RNF19A: variants seen among roughly 807,000 people sequenced by gnomAD.
RNF19A encodes the protein E3 ubiquitin-protein ligase RNF19A.
RNF19A carries 32 observed loss-of-function variants against 75.7 expected under a neutral mutation model. The ratio of observed to expected loss-of-function variants is 0.42; its 90% CI spans 0.32 to 0.57. The LOEUF is 0.57. Ranked by LOEUF, RNF19A falls within the 20% of genes least tolerant of loss-of-function variation. The pLI is 0.10. For missense variants in RNF19A, 782 were observed against 1,036.3 expected (o/e 0.75, Z 3.37); for synonymous variants, 335 against 345.2 (o/e 0.97, Z 0.33).
intron 1 of RNF19A, among the ~76,000 whole-genome samples, chr8:100,321,117 A>G (rs1788179): frequency 0.32 from 49,164 of 152,072 alleles, 8,618 homozygotes; most frequent in East Asian, 0.42. Context: ...TTAAAATAAG[A>G]TAACAATGAA....
Position 100,260,303 on chromosome 8 carries a change from T to C in RNF19A, c.1683-306A>G, listed in dbSNP as rs912800823. 1.3e-5 allele frequency among the ~76,000 whole-genome samples: 2 copies of C among 152,206 alleles called. No individual in the cohort carries two copies. The highest frequency in any genetic ancestry group is 2.9e-5 in the Non-Finnish European group (2 of 68,028). Reference sequence around the variant, plus strand: ...TCACTCAGCATATGGCACTTTGTAATGTTTCAATGCAAAACACAAAGTTAG... The same window carrying C: ...TCACTCAGCATATGGCACTTTGTAACGTTTCAATGCAAAACACAAAGTTAG... On this transcript the variant is annotated intron_variant, in intron 8 of 9. Transcript: ENST00000341084. This position sits in a 1 kb window ranked among gnomAD's most constrained non-coding sequence, Gnocchi z 4.1.
chr8:100,286,842 T>G (rs1462520440), intron 2 of RNF19A, among the ~76,000 whole-genome samples: 3 of 152,210 alleles, frequency 2.0e-5, no homozygotes, highest in African/African-American at 7.2e-5. Flanking sequence ...TTCTGACAAC[T>G]GTACACAATA....
At chr8:100,279,687 C>T (rs920396922) in intron 2 of RNF19A, among the ~76,000 whole-genome samples, 2 of 152,188 alleles carry the variant, frequency 1.3e-5, no homozygotes, top group Non-Finnish European at 2.9e-5. Context: ...CCATGCTTGG[C>T]TAATTTTTTT....
At chr8:100,301,715 G>C (rs1455408634) in intron 1 of RNF19A, among the ~76,000 whole-genome samples, 1 of 152,084 alleles carries the variant, frequency 6.6e-6, no homozygotes, top group Non-Finnish European at 1.5e-5. Context: ...GTTACTCCAT[G>C]CTCTTATATA....
intron 1 of RNF19A, among the ~76,000 whole-genome samples, chr8:100,300,844 A>G (rs1821790879): frequency 6.6e-6 from 1 of 152,196 alleles, no homozygotes. Context: ...CTTTTAAGTA[A>G]GTCAAGAAGA....
At chr8:100,280,626 A>G (rs1788199) in intron 2 of RNF19A, among the ~76,000 whole-genome samples, 49,333 of 152,162 alleles carry the variant, frequency 0.32, 8,645 homozygotes, top group East Asian at 0.41. Flanking sequence ...TCATAAATGT[A>G]TAATCTGACA....
At chr8:100,328,659 A>G (rs952735856) in intron 1 of RNF19A, among the ~76,000 whole-genome samples, 17 of 151,960 alleles carry the variant, frequency 1.1e-4, no homozygotes, top group African/African-American at 4.1e-4. Context: ...TTCAGTAGAG[A>G]CGGGGTTTCA....
At position 100,298,206 on chromosome 8, in the gene RNF19A, A is replaced by AAAAAAC. The variant is rs1401965374; in HGVS notation, c.-93-9940_-93-9939insGTTTTT. 3.3e-5 allele frequency among the ~76,000 whole-genome samples: 5 copies of AAAAAAC among 151,982 alleles called. 1 individual carries two copies. Among genetic ancestry groups the AAAAAAC allele is most frequent in the African/African-American group, 1.2e-4 (5 of 41,348 alleles). ...TTTACCATGTATTGGGTTAAAAAAA[A>AAAAAAC]AAAAAACACTTATTACACATTAGGT... On this transcript the variant is annotated intron_variant, in intron 1 of 9. Transcript: ENST00000341084.
At position 100,274,633 on chromosome 8, in the gene RNF19A, C is replaced by T. The variant is rs1222370296; in HGVS notation, c.883+320G>A. On this transcript the variant is annotated intron_variant, in intron 3 of 9. Transcript: ENST00000341084. ...CTCCTGGCCTTAAGTGGTCGGCCCG[C>T]CTCAGCCTCCCAAAGTACTGGGATT... is the stretch of plus-strand genomic sequence containing the variant. 2.0e-5 allele frequency among the ~76,000 whole-genome samples: 3 copies of T among 152,286 alleles called. No homozygotes were observed. In the East Asian group the frequency reaches 5.8e-4, roughly 29 times the overall value.
upstream of RNF19A, chr8:100,310,133 C>A: frequency 2.0e-6 from 2 of 985,576 alleles, no homozygotes; most frequent in Non-Finnish European, 2.4e-6. Flanking sequence ...CTTTCCCCTC[C>A]TCCTCCTCCC....
chr8:100,328,812 A>T (rs1478966711), intron 1 of RNF19A, among the ~76,000 whole-genome samples: 1 of 152,168 alleles, frequency 6.6e-6, no homozygotes, highest in East Asian at 1.9e-4. Context: ...CAAATCTTAG[A>T]TCAGGGAGAT....
intron 1 of RNF19A, chr8:100,309,190 C>A: frequency 2.3e-6 from 1 of 437,312 alleles, no homozygotes; most frequent in Non-Finnish European, 3.0e-6. Flanking sequence ...CACGGGGAGA[C>A]AATCCCGGAA....
In RNF19A at chr8:100,257,825, T is replaced by C; in HGVS notation, c.*731A>G. ...ATTTTTTGTAATACTTATAACCTAA[T>C]GGGACTTTATTTTGTAGTTTTATGT... On this transcript the variant is annotated 3_prime_UTR_variant, in exon 10 of 10. Coordinates refer to ENST00000341084, the MANE Select transcript of RNF19A (RefSeq NM_183419.4). 1 of 391,456 alleles carries C rather than the reference T, an allele frequency of 2.6e-6. No homozygotes were observed. Among genetic ancestry groups the C allele is most frequent in the Non-Finnish European group, 4.5e-6 (1 of 221,732 alleles). 24.2% of individuals were successfully genotyped at this position (391,456 alleles called of 1,614,324 possible).
At chr8:100,268,761 A>C in intron 5 of RNF19A, 24 bp downstream of exon 5, 1 of 1,470,542 alleles carries the variant, frequency 6.8e-7, no homozygotes, top group South Asian at 1.4e-5. Flanking sequence ...AAGATAATGG[A>C]CTAACAAGAA....
intron 1 of RNF19A, among the ~76,000 whole-genome samples, chr8:100,328,749 C>T (rs1047120909): frequency 2.6e-5 from 4 of 152,182 alleles, no homozygotes; most frequent in Admixed American, 1.3e-4. Flanking sequence ...GCATTACAGG[C>T]GTGAGACACC....
chr8:100,336,141 C>G lies in RNF19A; in HGVS notation c.-276G>C, dbSNP rs540895056. 2.0e-5 allele frequency: 3 copies of G among 152,476 alleles called. No homozygotes were observed. The South Asian group carries it at 6.2e-4, about 32-fold the overall frequency. 9.4% of individuals were successfully genotyped at this position (152,476 alleles called of 1,614,324 possible). On this transcript the variant is annotated 5_prime_UTR_variant, in exon 1 of 4. Coordinates refer to the RNF19A transcript ENST00000519527. ...GAAGCTGTGGGGTAGCGAAGAAATG[C>G]AGGGCATGGGTCCCACACTCAAATG...
In RNF19A at chr8:100,259,333, T is replaced by A; in HGVS notation, c.1827-87A>T. ...GGGGAAGGGTTTCTATGTGGAAAAT[T>A]CAGACTATATATAAGCTATGAGAAC... On this transcript the variant is annotated intron_variant, in intron 9 of 9. Transcript: ENST00000341084. The surrounding 1 kb of genome is among the most constrained non-coding windows in gnomAD (Gnocchi z 4.5). The A allele has an allele frequency of 9.6e-7, 1 of 1,039,690 alleles. No individual in the cohort carries two copies. Among genetic ancestry groups the A allele is most frequent in the Non-Finnish European group, 1.4e-6 (1 of 709,008 alleles). 64.4% of individuals were successfully genotyped at this position (1,039,690 alleles called of 1,614,324 possible).
Position 100,308,808 on chromosome 8 carries a change from A to G in RNF19A, c.-94+1059T>C, listed in dbSNP as rs200857249. 2.6e-5 allele frequency among the ~76,000 whole-genome samples: 4 copies of G among 152,342 alleles called. No individual in the cohort carries two copies. The East Asian group carries it at 5.8e-4, about 22-fold the overall frequency. On this transcript the variant is annotated intron_variant, in intron 1 of 9. Transcript: ENST00000341084. Reference sequence around the variant, plus strand: ...AAATTAGCATTTCTAGCCAACATCTAGGTTTGAAAATTGCAACGGCACTTA... The same window carrying G: ...AAATTAGCATTTCTAGCCAACATCTGGGTTTGAAAATTGCAACGGCACTTA...
chr8:100,290,293 G>C (rs1191691924), intron 1 of RNF19A, among the ~76,000 whole-genome samples: 2 of 152,140 alleles, frequency 1.3e-5, no homozygotes, highest in Non-Finnish European at 2.9e-5. Flanking sequence ...GTAGAGACAA[G>C]GTTTCACCAT....
Sources: gnomAD v4.1 joint callset for allele counts (sites outside exome capture counted in the v4.1 genomes callset) on GRCh38, gnomAD v4.1.1 for gene constraint, Gnocchi (gnomAD v3.1) non-coding constraint, MANE v1.5 for transcripts, NCBI Gene and HGNC (gene_info 2026-07-23, HGNC 2026-07-21) for gene names.